The following NFKB1 variants were observed in gnomAD, a reference collection of about 807,000 sequenced individuals.
NFKB1 encodes the protein nuclear factor NF-kappa-B p105 subunit.
Under a neutral mutation model 105.1 loss-of-function variants are expected in NFKB1, and 9 were observed. That is an observed-to-expected ratio of 0.09 (90% CI 0.05 to 0.15). The LOEUF (loss-of-function observed/expected upper bound fraction) is 0.15, where lower values mean the gene tolerates loss of function less well. NFKB1 is among the 10% of genes least tolerant of loss of function. The pLI is 1.00. For synonymous variants in NFKB1, 440 were observed against 442.2 expected (o/e 1.00, Z 0.06); for missense variants, 830 against 1,203.7 (o/e 0.69, Z 4.59).
chr4:102,514,776 G>T (rs902718060), intron 1 of NFKB1, among the ~76,000 whole-genome samples: 1 of 152,104 alleles, frequency 6.6e-6, no homozygotes, highest in Non-Finnish European at 1.5e-5. Flanking sequence ...GTTAATAGGT[G>T]CGTACACAAT....
At position 102,597,684 on chromosome 4, in the gene NFKB1, T is replaced by A. The variant is rs41469748; in HGVS notation, c.1637+23T>A. 2,310 of 1,600,566 alleles carry A rather than the reference T, an allele frequency of 1.4e-3. 15 individuals are homozygous for A. The African/African-American group carries it at 0.021, about 15-fold the overall frequency. ...CAGGTAAGTCAGAACTTTTGCATGATAGGTTGTCCTGGGTGGGGAAGAAGA... is the reference window on the plus strand; with the variant it reads ...CAGGTAAGTCAGAACTTTTGCATGAAAGGTTGTCCTGGGTGGGGAAGAAGA... On this transcript the variant is annotated intron_variant, in intron 15 of 23. Coordinates refer to ENST00000226574, the MANE Select transcript of NFKB1 (RefSeq NM_003998.4).
intron 5 of NFKB1, among the ~76,000 whole-genome samples, chr4:102,540,576 AT>A (rs1416764387): frequency 6.6e-6 from 1 of 152,070 alleles, no homozygotes; most frequent in Non-Finnish European, 1.5e-5. Context: ...ATTTATAAGC[AT>A]TTAATCAACT....
intron 19 of NFKB1, among the ~76,000 whole-genome samples, chr4:102,609,392 A>G (rs1728172602): frequency 1.3e-5 from 2 of 151,994 alleles, no homozygotes; most frequent in African/African-American, 2.4e-5. Context: ...TGGGTGGATC[A>G]CCTGAGACTG....
chr4:102,525,965 C>T (rs1740883155), intron 2 of NFKB1, among the ~76,000 whole-genome samples: 1 of 152,146 alleles, frequency 6.6e-6, no homozygotes, highest in Non-Finnish European at 1.5e-5. Flanking sequence ...ATGCCTCTCC[C>T]CTAGCTTCTG....
intron 4 of NFKB1, among the ~76,000 whole-genome samples, 183 bp downstream of exon 4, chr4:102,534,068 C>T (rs1338180497): frequency 6.6e-6 from 1 of 152,218 alleles, no homozygotes; most frequent in Non-Finnish European, 1.5e-5. Flanking sequence ...ATTGTTCACA[C>T]TGTCCTGAGC....
intron 5 of NFKB1, among the ~76,000 whole-genome samples, chr4:102,544,090 A>G (rs900866939): frequency 6.6e-6 from 1 of 152,068 alleles, no homozygotes; most frequent in Non-Finnish European, 1.5e-5. Flanking sequence ...AGATTCCTAA[A>G]TTTATATGCA....
intron 16 of NFKB1, among the ~76,000 whole-genome samples, chr4:102,604,336 T>C (rs544897353): frequency 4.4e-4 from 67 of 152,330 alleles, no homozygotes; most frequent in African/African-American, 1.5e-3. Context: ...TACAAAAACG[T>C]ACTAGGAAGT....
intron 1 of NFKB1, among the ~76,000 whole-genome samples, chr4:102,515,088 T>C (rs191768376): frequency 1.2e-3 from 156 of 131,264 alleles, no homozygotes; most frequent in South Asian, 1.2e-3. Context: ...CAGTTCCATG[T>C]AATATTATTA....
chr4:102,540,995 G>A (rs1273712543), intron 5 of NFKB1, among the ~76,000 whole-genome samples: 5 of 152,230 alleles, frequency 3.3e-5, no homozygotes, highest in African/African-American at 9.6e-5. Flanking sequence ...CCTGCTCGGC[G>A]AGAGACTGTA....
At position 102,612,039 on chromosome 4, in the gene NFKB1, A is replaced by G; in HGVS notation, c.2353-5A>G. On this transcript the variant is annotated splice_polypyrimidine_tract_variant and splice_region_variant and intron_variant, in intron 20 of 23. Coordinates refer to ENST00000226574, the MANE Select transcript of NFKB1 (RefSeq NM_003998.4). ...AACGATTTCTGGTGTTTTTCTTTCC[A>G]ACAGGTATTTGACATATTAAATGGG... is the stretch of plus-strand genomic sequence containing the variant. 1 of 1,613,032 alleles carries G rather than the reference A, an allele frequency of 6.2e-7. No individual in the cohort carries two copies. The highest frequency in any genetic ancestry group is 1.1e-5 in the South Asian group (1 of 91,050).
chr4:102,563,181 A>G lies in NFKB1; in HGVS notation c.259-3806A>G, dbSNP rs555315379. ...ATGATCTGAGACCCATGGTTTCTACATCTTATTCAAAAAGCAGATCCAGCA... is the reference window on the plus strand; with the variant it reads ...ATGATCTGAGACCCATGGTTTCTACGTCTTATTCAAAAAGCAGATCCAGCA... On this transcript the variant is annotated intron_variant, in intron 5 of 23. Coordinates refer to ENST00000226574, the MANE Select transcript of NFKB1 (RefSeq NM_003998.4). 3.9e-5 allele frequency among the ~76,000 whole-genome samples: 6 copies of G among 152,308 alleles called. No homozygotes were observed. In the South Asian group the frequency reaches 6.2e-4, roughly 16 times the overall value.
At chr4:102,558,494 A>G (rs1466270388) in intron 5 of NFKB1, among the ~76,000 whole-genome samples, 1 of 152,032 alleles carries the variant, frequency 6.6e-6, no homozygotes, top group African/African-American at 2.4e-5. Flanking sequence ...ACCTAACCCA[A>G]CCCTTTATAT....
At position 102,584,862 on chromosome 4, in the gene NFKB1, A is replaced by C; in HGVS notation, c.1066+42A>C. The C allele has an allele frequency of 1.9e-6, 3 of 1,540,904 alleles. No individual in the cohort carries two copies. In the East Asian group the frequency reaches 6.9e-5, roughly 36 times the overall value. On this transcript the variant is annotated intron_variant, in intron 11 of 23. Coordinates refer to ENST00000226574, the MANE Select transcript of NFKB1 (RefSeq NM_003998.4). Reference sequence around the variant, plus strand: ...AAATCTTATGCTCATATTTTATTTTATTTTATTTTTGGTTTTTGTTTTGTT... The same window carrying C: ...AAATCTTATGCTCATATTTTATTTTCTTTTATTTTTGGTTTTTGTTTTGTT...
At chr4:102,577,190 C>G in intron 7 of NFKB1, 151 bp downstream of exon 7, 1 of 769,096 alleles carries the variant, frequency 1.3e-6, no homozygotes, top group South Asian at 2.2e-5. Flanking sequence ...TGGCATCCTG[C>G]TACTTCTAGG....
chr4:102,549,131 T>C (rs1003834391), intron 5 of NFKB1, among the ~76,000 whole-genome samples: 3 of 152,102 alleles, frequency 2.0e-5, no homozygotes, highest in African/African-American at 7.2e-5. Flanking sequence ...AATACTCAAT[T>C]AGTATAGAAA....
intron 1 of NFKB1, among the ~76,000 whole-genome samples, chr4:102,524,433 T>C (rs1196082830): frequency 6.6e-6 from 1 of 152,152 alleles, no homozygotes; most frequent in Non-Finnish European, 1.5e-5. Flanking sequence ...AGCAGAAACA[T>C]GGCTTGCTTC....
At chr4:102,517,723 T>A (rs1444330306) in intron 1 of NFKB1, among the ~76,000 whole-genome samples, 1 of 152,098 alleles carries the variant, frequency 6.6e-6, no homozygotes, top group African/African-American at 2.4e-5. Context: ...ACTAGAGCCT[T>A]GAAGAGTGGA....
intron 16 of NFKB1, among the ~76,000 whole-genome samples, chr4:102,602,327 G>A (rs1284157046): frequency 6.6e-6 from 1 of 150,820 alleles, no homozygotes; most frequent in Non-Finnish European, 1.5e-5. Context: ...TCAGGAGATC[G>A]AGATCATCCT....
At chr4:102,531,654 ATGT>A (rs578091454) in intron 3 of NFKB1, among the ~76,000 whole-genome samples, 4 of 152,344 alleles carry the variant, frequency 2.6e-5, no homozygotes, top group African/African-American at 9.6e-5. Flanking sequence ...GGCCAAAAGA[ATGT>A]TGGCCTTAAA....
Sources: allele counts gnomAD v4.1 joint callset (sites outside exome capture counted in the v4.1 genomes callset), GRCh38; gene constraint gnomAD v4.1.1; transcripts MANE v1.5; gene names NCBI Gene and HGNC (gene_info 2026-07-23, HGNC 2026-07-21).